The following ARNT2 variants were observed in gnomAD, a reference collection of about 807,000 sequenced individuals.
The protein encoded by ARNT2 is ARNT protein 2.
A neutral mutation model predicts 91.7 loss-of-function variants in ARNT2; 36 were observed. The observed-to-expected ratio is 0.39, with a 90% CI of 0.30 to 0.52. ARNT2 has a LOEUF of 0.52. ARNT2 is among the 20% of genes least tolerant of loss of function. The pLI, the probability that ARNT2 is intolerant of heterozygous loss-of-function variation, is 0.72. For synonymous variants in ARNT2, 365 were observed against 347.1 expected (o/e 1.05, Z -0.57); for missense variants, 775 against 939.3 (o/e 0.83, Z 2.29).
chr15:80,422,192 C>A (rs749517668), intron 1 of ARNT2, among the ~76,000 whole-genome samples: 1 of 152,000 alleles, frequency 6.6e-6, no homozygotes, highest in African/African-American at 2.4e-5. Flanking sequence ...TTTTCAGAAT[C>A]GATGAAAGTC....
At chr15:80,417,050 G>C (rs1195947367) in intron 1 of ARNT2, among the ~76,000 whole-genome samples, 9 of 152,116 alleles carry the variant, frequency 5.9e-5, no homozygotes, top group Non-Finnish European at 1.3e-4. Flanking sequence ...CCTAAACTAA[G>C]TATCAATTTC....
chr15:80,478,596 G>A (rs1201027895), intron 5 of ARNT2, among the ~76,000 whole-genome samples: 1 of 152,236 alleles, frequency 6.6e-6, no homozygotes, highest in East Asian at 1.9e-4. Flanking sequence ...TGAGGCTGGA[G>A]AAGTGGGTTC....
intron 10 of ARNT2, 135 bp downstream of exon 10, chr15:80,552,909 A>G: frequency 9.2e-7 from 1 of 1,088,008 alleles, no homozygotes; most frequent in Non-Finnish European, 1.3e-6. Flanking sequence ...CTGCCTAGAT[A>G]GAACGATAGA....
intron 8 of ARNT2, among the ~76,000 whole-genome samples, chr15:80,542,270 A>T (rs897804329): frequency 7.2e-5 from 11 of 152,112 alleles, no homozygotes; most frequent in African/African-American, 2.7e-4. Context: ...ACATTATTCT[A>T]CTTGGTTGAT....
chr15:80,569,275 C>A (rs78949161), intron 12 of ARNT2, among the ~76,000 whole-genome samples: 2,793 of 152,306 alleles, frequency 0.018, 36 homozygotes, highest in Non-Finnish European at 0.03. Flanking sequence ...GGAAGCCGCA[C>A]TTGATGCATT....
At chr15:80,408,675 T>TA (rs1446715235) in intron 1 of ARNT2, among the ~76,000 whole-genome samples, 1 of 152,154 alleles carries the variant, frequency 6.6e-6, no homozygotes, top group African/African-American at 2.4e-5. Flanking sequence ...CAGCTGGACA[T>TA]ACAGTTGAGC....
At chr15:80,592,196 T>A (rs1354478344) in intron 18 of ARNT2, among the ~76,000 whole-genome samples, 3 of 152,288 alleles carry the variant, frequency 2.0e-5, no homozygotes, top group Non-Finnish European at 4.4e-5. Context: ...CGATTGAGGA[T>A]ACCTGGGCAC....
chr15:80,470,540 C>G, intron 4 of ARNT2, 109 bp downstream of exon 4: 1 of 1,231,224 alleles, frequency 8.1e-7, no homozygotes, highest in Non-Finnish European at 1.1e-6. Flanking sequence ...AGGAATGAAG[C>G]CAACATGTTT....
Position 80,593,936 on chromosome 15 carries a change from T to C in ARNT2, c.*238T>C. 1.9e-6 allele frequency: 1 copy of C among 529,600 alleles called. No individual in the cohort carries two copies. Among genetic ancestry groups the C allele is most frequent in the Non-Finnish European group, 3.4e-6 (1 of 296,712 alleles). 32.8% of individuals were successfully genotyped at this position (529,600 alleles called of 1,614,324 possible). A position where few individuals can be genotyped will look rare whatever the true frequency, so the allele number is the denominator to read the frequency against. On this transcript the variant is annotated 3_prime_UTR_variant, in exon 19 of 19. Transcript: ENST00000303329. ...TAGGGGATCAGTTGTATTTATTGTA[T>C]TTTATCTGTGTGTGCTCAGGAGGTG...
At chr15:80,530,295 G>A (rs1056941776) in intron 8 of ARNT2, among the ~76,000 whole-genome samples, 3 of 152,202 alleles carry the variant, frequency 2.0e-5, no homozygotes, top group African/African-American at 7.2e-5. Flanking sequence ...AAGGCTGACG[G>A]TGGGAAGATA....
At chr15:80,505,854 G>A (rs1003582680) in intron 5 of ARNT2, among the ~76,000 whole-genome samples, 7 of 151,444 alleles carry the variant, frequency 4.6e-5, no homozygotes, top group African/African-American at 1.5e-4. Flanking sequence ...ATGCCCAAGA[G>A]ACAGTTGTAC....
At chr15:80,491,764 C>T (rs1416257742) in intron 5 of ARNT2, among the ~76,000 whole-genome samples, 1 of 137,646 alleles carries the variant, frequency 7.3e-6, no homozygotes, top group Non-Finnish European at 1.5e-5. Context: ...AGTGACTTCA[C>T]AAATACATCT....
chr15:80,435,898 A>C (rs1320959964), intron 1 of ARNT2, among the ~76,000 whole-genome samples: 1 of 152,090 alleles, frequency 6.6e-6, no homozygotes, highest in Admixed American at 6.5e-5. Context: ...AAGGAAAAAA[A>C]TGTGTTGAAT....
chr15:80,490,003 TC>T (rs537473968), intron 5 of ARNT2, among the ~76,000 whole-genome samples: 107 of 152,140 alleles, frequency 7.0e-4, no homozygotes, highest in Non-Finnish European at 1.2e-3. Context: ...ATGCTTGTCA[TC>T]TTTTTTTTTC....
rs75289100 is a variant in ARNT2 at position 80,412,960 on chromosome 15, C to T, written c.31+8414C>T. Among the ~76,000 whole-genome samples the T allele has an allele frequency of 6.3e-3, 957 of 152,286 alleles. 8 individuals carry two copies. Among genetic ancestry groups the T allele is most frequent in the African/African-American group, 0.022 (897 of 41,540 alleles). On this transcript the variant is annotated intron_variant, in intron 1 of 18. Coordinates refer to ENST00000303329, the MANE Select transcript of ARNT2 (RefSeq NM_014862.4). ...TGTGCCCCCTATCCTTGGCAGGTTC[C>T]GGCAACCCAGGCCAGGCCCTGTTGC...
chr15:80,514,095 C>A, intron 7 of ARNT2, 119 bp downstream of exon 7: 1 of 1,085,184 alleles, frequency 9.2e-7, no homozygotes. Context: ...GAGAACCAGA[C>A]ATCAGGGTGG....
At chr15:80,523,746 G>A (rs1490739193) in intron 8 of ARNT2, among the ~76,000 whole-genome samples, 1 of 152,154 alleles carries the variant, frequency 6.6e-6, no homozygotes, top group East Asian at 1.9e-4. Context: ...CCAAGGTGCG[G>A]ACAGGTGACT....
intron 8 of ARNT2, among the ~76,000 whole-genome samples, chr15:80,539,528 A>G (rs528624741): frequency 2.6e-4 from 39 of 152,300 alleles, no homozygotes; most frequent in Middle Eastern, 6.8e-3. Context: ...GTTCTCAAAA[A>G]AGTGAAGAAT....
At position 80,505,924 on chromosome 15, in the gene ARNT2, G is replaced by GTTTTTTTTTTTTTTTTTTTT. The variant is rs1486880107; in HGVS notation, c.623-2230_623-2229insTTTTTTTTTTTTTTTTTTTT. ...AAAGAAAAAATGATTCCCAACATTT[G>GTTTTTTTTTTTTTTTTTTTT]TTGTTTTTTTTTTTTTTTTTTTTGA... is the stretch of plus-strand genomic sequence containing the variant. On this transcript the variant is annotated intron_variant, in intron 5 of 18. Transcript: ENST00000303329. 6.0e-4 allele frequency among the ~76,000 whole-genome samples: 43 copies of GTTTTTTTTTTTTTTTTTTTT among 71,164 alleles called. 5 individuals carry two copies. The highest frequency in any genetic ancestry group is 2.7e-3 in the African/African-American group (41 of 15,218). The allele number at this position is 71,164 out of a possible 152,430, so 46.7% of individuals were successfully genotyped here.
Sources: gnomAD v4.1 joint callset for allele counts (sites outside exome capture counted in the v4.1 genomes callset) on GRCh38, gnomAD v4.1.1 for gene constraint, MANE v1.5 for transcripts, NCBI Gene and HGNC (gene_info 2026-07-23, HGNC 2026-07-21) for gene names.